Variants in FGD5 observed in about 807,000 individuals in gnomAD.
FGD5 encodes the protein FYVE, RhoGEF and PH domain-containing protein 5.
In FGD5, 28 loss-of-function variants were observed where a neutral mutation model predicts 133.4. The ratio of observed to expected loss-of-function variants is 0.21; its 90% confidence interval spans 0.16 to 0.29. The LOEUF is 0.29. Among genes scored for constraint, FGD5 ranks in the 10% least tolerant of loss-of-function variants. The pLI, the probability that FGD5 is intolerant of heterozygous loss-of-function variation, is 1.00. For synonymous variants in FGD5, 810 were observed against 776.5 expected (o/e 1.04, Z -0.72); for missense variants, 1,858 against 1,895.2 (o/e 0.98, Z 0.36).
At position 14,843,612 on chromosome 3, in the gene FGD5, T is replaced by C. The variant is rs186924576; in HGVS notation, c.2526-20516T>C. ...CTCCCCACCAAGGGAGTGGTTTCCA[T>C]GGACAAGGCACCAGTCTGCTGGCTG... is the stretch of plus-strand genomic sequence containing the variant. On this transcript the variant is annotated intron_variant, in intron 1 of 19. Coordinates refer to ENST00000285046, the MANE Select transcript of FGD5 (RefSeq NM_152536.4). Among the ~76,000 whole-genome samples, 358 of 150,976 alleles carry C rather than the reference T, an allele frequency of 2.4e-3. 5 individuals carry two copies. The highest frequency in any genetic ancestry group is 8.3e-3 in the African/African-American group (342 of 40,992).
At chr3:14,817,362 A>G (rs2036386381), upstream of FGD5, among the ~76,000 whole-genome samples, 2 of 151,964 alleles carry the variant, frequency 1.3e-5, 1 homozygote, top group South Asian at 4.2e-4. Flanking sequence ...CACCCGGCTA[A>G]TTTTTGTGTT....
intron 4 of FGD5, chr3:14,882,348 G>T: frequency 1.0e-6 from 1 of 985,300 alleles, no homozygotes; most frequent in Non-Finnish European, 1.2e-6. Context: ...AGACATTGAA[G>T]CCCCTGGTAA....
intron 1 of FGD5, among the ~76,000 whole-genome samples, chr3:14,840,247 C>T (rs35390297): frequency 0.5 from 75,437 of 151,760 alleles, 19,060 homozygotes; most frequent in African/African-American, 0.54. Flanking sequence ...TGGGTTCAAG[C>T]GAGTCTGCTG....
At position 14,907,716 on chromosome 3, in the gene FGD5, GT is replaced by G; in HGVS notation, c.3336+6del. 1.2e-6 allele frequency: 2 copies of G among 1,613,360 alleles called. No individual in the cohort carries two copies. The highest frequency in any genetic ancestry group is 1.7e-6 in the Non-Finnish European group (2 of 1,179,502). ...GATCTCCTCCAGCCAGGAAGGGTGA[GT>G]GCCGCCACCATGGGTAGGGGCAGAG... is the stretch of plus-strand genomic sequence containing the variant. On this transcript the variant is annotated splice_donor_region_variant and intron_variant, in intron 10 of 19. Coordinates refer to ENST00000285046, the MANE Select transcript of FGD5 (RefSeq NM_152536.4).
rs1355072597 is a variant in FGD5 at position 14,933,394 on chromosome 3, C to CT, written c.*228dup. On this transcript the variant is annotated 3_prime_UTR_variant, in exon 20 of 20. Transcript: ENST00000285046. ...CTCTCCTTTTCTGTGTTTTCCACCCCTACCCCCACCCGCCACCCAGTAATA... is the reference window on the plus strand; with the variant it reads ...CTCTCCTTTTCTGTGTTTTCCACCCCTTACCCCCACCCGCCACCCAGTAATA... The CT allele has an allele frequency of 1.1e-4, 60 of 563,252 alleles. No individual in the cohort carries two copies. The highest frequency in any genetic ancestry group is 4.3e-4 in the Admixed American group (14 of 32,582). The allele number at this position is 563,252 out of a possible 1,614,324, so 34.9% of individuals were successfully genotyped here.
intron 17 of FGD5, among the ~76,000 whole-genome samples, 172 bp from the exon 18 acceptor site, chr3:14,925,898 A>G (rs1392619658): frequency 6.6e-6 from 1 of 152,232 alleles, no homozygotes; most frequent in Non-Finnish European, 1.5e-5. Context: ...TTCTCAAAGC[A>G]TGAAGCACTA....
intron 10 of FGD5, among the ~76,000 whole-genome samples, chr3:14,908,548 A>C (rs963900556): frequency 6.6e-6 from 1 of 152,208 alleles, no homozygotes; most frequent in Non-Finnish European, 1.5e-5. Context: ...ATTCTGGAAA[A>C]AATAATTTAG....
At chr3:14,927,349 G>A (rs1342295564) in intron 18 of FGD5, among the ~76,000 whole-genome samples, 2 of 152,184 alleles carry the variant, frequency 1.3e-5, no homozygotes, top group Non-Finnish European at 2.9e-5. Flanking sequence ...TTAGGGGCCT[G>A]GCATGGTGGT....
At chr3:14,872,790 G>A (rs2037637188) in intron 2 of FGD5, among the ~76,000 whole-genome samples, 1 of 152,228 alleles carries the variant, frequency 6.6e-6, no homozygotes, top group Non-Finnish European at 1.5e-5. Flanking sequence ...TTAGGAGAAA[G>A]TCATAGAAAT....
chr3:14,876,992 C>G (rs2125114791), intron 2 of FGD5, among the ~76,000 whole-genome samples: 1 of 152,336 alleles, frequency 6.6e-6, no homozygotes, highest in Middle Eastern at 3.4e-3. Context: ...GCCAGTAGCC[C>G]TGGGGACAGC....
intron 4 of FGD5, among the ~76,000 whole-genome samples, chr3:14,895,218 A>G (rs1376848868): frequency 6.6e-6 from 1 of 152,022 alleles, no homozygotes; most frequent in Non-Finnish European, 1.5e-5. Context: ...ATGTAGTCCC[A>G]TTTGTCTATT....
chr3:14,869,248 C>T (rs1283355971), intron 2 of FGD5, among the ~76,000 whole-genome samples: 1 of 151,998 alleles, frequency 6.6e-6, no homozygotes. Context: ...GAGCCAAGAT[C>T]GAGCCACTGC....
chr3:14,862,443 G>C (rs1166361762), intron 1 of FGD5, among the ~76,000 whole-genome samples: 1 of 152,170 alleles, frequency 6.6e-6, no homozygotes, highest in Non-Finnish European at 1.5e-5. Flanking sequence ...TGACCTTTAG[G>C]CTGGGGACCA....
intron 1 of FGD5, among the ~76,000 whole-genome samples, chr3:14,836,036 G>A (rs2125081203): frequency 6.6e-6 from 1 of 152,326 alleles, no homozygotes; most frequent in East Asian, 1.9e-4. Flanking sequence ...GCGCTGTCCA[G>A]GATCACATAG....
At chr3:14,891,661 G>A (rs964518929) in intron 4 of FGD5, among the ~76,000 whole-genome samples, 5 of 152,292 alleles carry the variant, frequency 3.3e-5, no homozygotes, top group South Asian at 2.1e-4. Flanking sequence ...TGTCCTCCCC[G>A]TAGTTCCTGG....
intron 4 of FGD5, among the ~76,000 whole-genome samples, chr3:14,890,472 C>T (rs930439392): frequency 6.6e-6 from 1 of 152,130 alleles, no homozygotes; most frequent in Non-Finnish European, 1.5e-5. Flanking sequence ...GGAATGAGGA[C>T]GGGTGCCTCC....
chr3:14,814,840 A>G (rs2036345297), upstream of FGD5, among the ~76,000 whole-genome samples: 2 of 152,148 alleles, frequency 1.3e-5, no homozygotes, highest in Admixed American at 6.5e-5. Context: ...AGTTGGCAGA[A>G]ACTTCAGCTT....
At chr3:14,818,603 A>T (rs567685913), upstream of FGD5, among the ~76,000 whole-genome samples, 29 of 152,294 alleles carry the variant, frequency 1.9e-4, no homozygotes, top group South Asian at 6.0e-3. Flanking sequence ...GCCTTTTCCC[A>T]TGGTTGCTGG....
At chr3:14,854,364 G>A in intron 1 of FGD5, among the ~76,000 whole-genome samples, 1 of 151,086 alleles carries the variant, frequency 6.6e-6, no homozygotes, top group African/African-American at 2.4e-5. Context: ...CAGACCACTG[G>A]TCCTTTATTT....
Sources: allele counts gnomAD v4.1 joint callset (sites outside exome capture counted in the v4.1 genomes callset), GRCh38; gene constraint gnomAD v4.1.1; transcripts MANE v1.5; gene names NCBI Gene and HGNC (gene_info 2026-07-23, HGNC 2026-07-21).